The following MIDEAS variants were observed in gnomAD, a reference collection of about 807,000 sequenced individuals.
MIDEAS encodes the protein mitotic deacetylase associated SANT domain protein, also known as mitotic deacetylase-associated SANT domain protein.
Under a neutral mutation model 102.7 loss-of-function variants are expected in MIDEAS, and 26 were observed. That is an observed-to-expected ratio of 0.25 (90% confidence interval 0.19 to 0.35). The LOEUF is 0.35. Among genes scored for constraint, MIDEAS ranks in the 10% least tolerant of loss-of-function variants. The pLI is 1.00. For synonymous variants in MIDEAS, 585 were observed against 591.0 expected, an observed-to-expected ratio of 0.99 and a Z score of 0.15; for missense variants, 1,231 against 1,435.6, an observed-to-expected ratio of 0.86 and a Z score of 2.30.
At chr14:73,743,833 G>T (rs1184083703) in intron 1 of MIDEAS, among the ~76,000 whole-genome samples, 1 of 151,964 alleles carries the variant, frequency 6.6e-6, no homozygotes, top group Non-Finnish European at 1.5e-5. Flanking sequence ...CCCCAGACAC[G>T]GCAACCCGCC....
At chr14:73,749,416 G>C (rs965076672) in intron 1 of MIDEAS, among the ~76,000 whole-genome samples, 1 of 150,016 alleles carries the variant, frequency 6.7e-6, no homozygotes, top group African/African-American at 2.5e-5. Context: ...GGCCACTATA[G>C]TCCCAGCTAC....
At chr14:73,769,988 C>G (rs1433667880) in intron 1 of MIDEAS, among the ~76,000 whole-genome samples, 1 of 150,232 alleles carries the variant, frequency 6.7e-6, no homozygotes, top group South Asian at 2.1e-4. Context: ...AAACGCTGAC[C>G]AGGTAATTAC....
At chr14:73,751,854 C>G (rs759031666) in intron 1 of MIDEAS, among the ~76,000 whole-genome samples, 1 of 152,142 alleles carries the variant, frequency 6.6e-6, no homozygotes, top group Non-Finnish European at 1.5e-5. Flanking sequence ...GAGCCAAGAT[C>G]GTACCACTGC....
At position 73,760,247 on chromosome 14, in the gene MIDEAS, G is replaced by A. The variant is rs1056158158; in HGVS notation, c.-732C>T. 1 of 152,350 alleles carries A rather than the reference G, an allele frequency of 6.6e-6. No homozygotes were observed. Among genetic ancestry groups the A allele is most frequent in the Admixed American group, 6.5e-5 (1 of 15,288 alleles). The allele number at this position is 152,350 out of a possible 1,614,324, so 9.4% of individuals were successfully genotyped here. On this transcript the variant is annotated 5_prime_UTR_variant, in exon 1 of 13. Transcript: ENST00000423556. This position sits in a 1 kb window ranked among gnomAD's most constrained non-coding sequence, Gnocchi z 4.8. ...TGGGAGCGCGGAGCGCCCAGCGGCC[G>A]GCCGGCGCGCGCGGCACCGCGGCGA...
At chr14:73,721,033 T>G (rs2052981752) in intron 11 of MIDEAS, among the ~76,000 whole-genome samples, 1 of 152,174 alleles carries the variant, frequency 6.6e-6, no homozygotes, top group Non-Finnish European at 1.5e-5. Flanking sequence ...GTATAAAAAT[T>G]AATCGCAGAC....
chr14:73,744,044 G>T (rs2053317445), intron 1 of MIDEAS, among the ~76,000 whole-genome samples: 1 of 146,132 alleles, frequency 6.8e-6, no homozygotes, highest in South Asian at 2.1e-4. Context: ...AGAAAGCAGT[G>T]TGCACCAGGA....
intron 1 of MIDEAS, among the ~76,000 whole-genome samples, chr14:73,757,588 A>G (rs1263607599): frequency 6.6e-6 from 1 of 152,220 alleles, no homozygotes; most frequent in Non-Finnish European, 1.5e-5. Flanking sequence ...GGAAACCCCC[A>G]GCCACTTTGT....
intron 1 of MIDEAS, among the ~76,000 whole-genome samples, chr14:73,776,344 C>T (rs372740673): frequency 1.3e-5 from 2 of 151,760 alleles, no homozygotes; most frequent in African/African-American, 2.4e-5. Context: ...TAAAGCTCAG[C>T]GGGAGGCTAA....
At position 73,730,035 on chromosome 14, in the gene MIDEAS, A is replaced by C. The variant is rs1290429343; in HGVS notation, c.1750-50T>G. 2.5e-6 allele frequency: 4 copies of C among 1,576,186 alleles called. No homozygotes were observed. In the South Asian group the frequency reaches 4.5e-5, roughly 18 times the overall value. Reference sequence around the variant, plus strand: ...CGGCTCAGCCCCCCGTGTCCCAGAGAAAGTAAAGTCTTAACCACAGCTTGC... The same window carrying C: ...CGGCTCAGCCCCCCGTGTCCCAGAGCAAGTAAAGTCTTAACCACAGCTTGC... On this transcript the variant is annotated intron_variant, in intron 3 of 12. Coordinates refer to ENST00000423556, the MANE Select transcript of MIDEAS (RefSeq NM_001367710.1).
intron 1 of MIDEAS, among the ~76,000 whole-genome samples, chr14:73,758,178 T>A (rs150901489): frequency 6.6e-4 from 100 of 152,362 alleles, no homozygotes; most frequent in African/African-American, 2.4e-3. Context: ...ATTGAATGTT[T>A]ACGCTCCTAT....
intron 1 of MIDEAS, among the ~76,000 whole-genome samples, chr14:73,780,450 C>T (rs775145132): frequency 1.3e-5 from 2 of 152,208 alleles, no homozygotes; most frequent in Non-Finnish European, 2.9e-5. Context: ...TGACCTTCCC[C>T]GTCATGGTTT....
In MIDEAS at chr14:73,717,209, C is replaced by G. The variant is rs1347577158; in HGVS notation, c.*1634G>C. On this transcript the variant is annotated 3_prime_UTR_variant, in exon 13 of 13. Transcript: ENST00000423556. ...TAAGGAGTAGCAGTATGAATACTTT[C>G]TGGCTCCTTCCTAATACGTTGACCT... 1 of 152,274 alleles carries G rather than the reference C, an allele frequency of 6.6e-6. No homozygotes were observed. Among genetic ancestry groups the G allele is most frequent in the African/African-American group, 2.4e-5 (1 of 41,474 alleles). 9.4% of individuals were successfully genotyped at this position (152,274 alleles called of 1,614,324 possible).
At position 73,722,824 on chromosome 14, in the gene MIDEAS, C is replaced by G. The variant is rs756617745; in HGVS notation, c.2598G>C (p.Gln866His). ...QKLIQTKTVA[Q>H]CVEFYYTYKK... ...TGTAGGTGTAGTAGAACTCCACGCA[C>G]TGGGCCACGGTCTTGGTCTGGATCT... Residue 866 changes from glutamine to histidine, a missense_variant, in exon 10 of 13, where the codon CAG becomes CAC. This residue lies in a region of MIDEAS where 391 missense variants were observed against 483.0 expected (regional missense o/e 0.81). Coordinates refer to ENST00000423556, the MANE Select transcript of MIDEAS (RefSeq NM_001367710.1). 4 of 1,614,194 alleles carry G rather than the reference C, an allele frequency of 2.5e-6. No homozygotes were observed. Among genetic ancestry groups the G allele is most frequent in the Non-Finnish European group, 3.4e-6 (4 of 1,180,008 alleles).
At position 73,725,831 on chromosome 14, in the gene MIDEAS, T is replaced by TTCTCCCCTCCCC. The variant is rs1286180079; in HGVS notation, c.2485+190_2485+201dup. Reference sequence around the variant, plus strand: ...GATGGTCTCCCACCTGCCCACTCCCTTCTCCCCTCCCCTCCAGGGCACAGG... The same window carrying TTCTCCCCTCCCC: ...GATGGTCTCCCACCTGCCCACTCCCTTCTCCCCTCCCCTCTCCCCTCCCCTCCAGGGCACAGG... On this transcript the variant is annotated intron_variant, in intron 8 of 12. Coordinates refer to ENST00000423556, the MANE Select transcript of MIDEAS (RefSeq NM_001367710.1). The surrounding 1 kb of genome is among the most constrained non-coding windows in gnomAD (Gnocchi z 4.1). Among the ~76,000 whole-genome samples the TTCTCCCCTCCCC allele has an allele frequency of 6.6e-6, 1 of 152,068 alleles. No individual in the cohort carries two copies. The highest frequency in any genetic ancestry group is 1.5e-5 in the Non-Finnish European group (1 of 67,990).
intron 1 of MIDEAS, among the ~76,000 whole-genome samples, chr14:73,750,484 G>T (rs2053406654): frequency 6.6e-6 from 1 of 152,176 alleles, no homozygotes; most frequent in Non-Finnish European, 1.5e-5. Context: ...CAGACTGGGG[G>T]TATCTGTAAA....
chr14:73,716,869 A>G lies in MIDEAS; in HGVS notation c.*1974T>C, dbSNP rs2052900062. On this transcript the variant is annotated 3_prime_UTR_variant, in exon 13 of 13. Transcript: ENST00000423556. ...AGTAGCACTTTGGGGCTAAGCTGCG[A>G]AGGCACTCGTATTGTACAAGTAATT... 1 of 152,620 alleles carries G rather than the reference A, an allele frequency of 6.6e-6. No homozygotes were observed. Among genetic ancestry groups the G allele is most frequent in the African/African-American group, 2.4e-5 (1 of 41,438 alleles). The allele number at this position is 152,620 out of a possible 1,614,324, so 9.5% of individuals were successfully genotyped here. A position where few individuals can be genotyped will look rare whatever the true frequency, so the allele number is the denominator to read the frequency against.
At position 73,715,259 on chromosome 14, in the gene MIDEAS, CA is replaced by C. The variant is rs1194959245; in HGVS notation, c.*3583del. 2 of 152,294 alleles carry C rather than the reference CA, an allele frequency of 1.3e-5. No homozygotes were observed. The highest frequency in any genetic ancestry group is 2.9e-5 in the Non-Finnish European group (2 of 67,948). The allele number at this position is 152,294 out of a possible 1,614,324, so 9.4% of individuals were successfully genotyped here. ...TAATTTTTTTCTTATAAAAAGCACACAAAAAATAAAATCTTCAGTCTCTATC... is the reference window on the plus strand; with the variant it reads ...TAATTTTTTTCTTATAAAAAGCACACAAAAATAAAATCTTCAGTCTCTATC... On this transcript the variant is annotated 3_prime_UTR_variant, in exon 13 of 13. Coordinates refer to ENST00000423556, the MANE Select transcript of MIDEAS (RefSeq NM_001367710.1).
chr14:73,768,993 G>A (rs1248013744), intron 1 of MIDEAS, among the ~76,000 whole-genome samples: 1 of 152,162 alleles, frequency 6.6e-6, no homozygotes, highest in East Asian at 1.9e-4. Context: ...ATCACACTCT[G>A]CCAGCCTCTG....
At chr14:73,764,897 G>C (rs1657411164), upstream of MIDEAS, among the ~76,000 whole-genome samples, 1 of 152,222 alleles carries the variant, frequency 6.6e-6, no homozygotes, top group Non-Finnish European at 1.5e-5. Context: ...TGTCAGGCCT[G>C]AGAAGGAGCC....
Sources: allele counts gnomAD v4.1 joint callset (sites outside exome capture counted in the v4.1 genomes callset), GRCh38; gene constraint gnomAD v4.1.1; regional missense constraint gnomAD v4.1.1; non-coding constraint Gnocchi (gnomAD v3.1); transcripts MANE v1.5; gene names NCBI Gene and HGNC (gene_info 2026-07-23, HGNC 2026-07-21).